CAPN13: variants seen among roughly 807,000 people sequenced by gnomAD.
CAPN13 encodes calpain 13.
In CAPN13, 90 loss-of-function variants were observed where a neutral mutation model predicts 98.4. The observed-to-expected ratio is 0.92, with a 90% CI of 0.77 to 1.09. The LOEUF (loss-of-function observed/expected upper bound fraction) is 1.09. Ranked by LOEUF, CAPN13 falls within the 50% of genes least tolerant of loss-of-function variation. The pLI is 0.00. For missense variants in CAPN13, 887 were observed against 841.3 expected (o/e 1.05, Z -0.67); for synonymous variants, 330 against 305.5 (o/e 1.08, Z -0.84).
chr2:30,790,204 A>G (rs2148081078), intron 1 of CAPN13, among the ~76,000 whole-genome samples: 1 of 152,336 alleles, frequency 6.6e-6, no homozygotes, highest in South Asian at 2.1e-4. Context: ...ACAGCAGAAG[A>G]GGACCACCTG....
intron 7 of CAPN13, among the ~76,000 whole-genome samples, chr2:30,760,817 C>A (rs938642939): frequency 6.6e-6 from 1 of 152,186 alleles, no homozygotes; most frequent in Non-Finnish European, 1.5e-5. Flanking sequence ...AGGCCAAGGC[C>A]ATGGCTACAC....
chr2:30,790,954 C>T (rs1385412595), intron 1 of CAPN13, among the ~76,000 whole-genome samples: 1 of 152,062 alleles, frequency 6.6e-6, no homozygotes, highest in Non-Finnish European at 1.5e-5. Context: ...CTTTTATGAT[C>T]TCTTTTAAGC....
chr2:30,800,168 G>GAAAGAAAGA (rs1675176607), intron 1 of CAPN13, among the ~76,000 whole-genome samples: 1 of 151,188 alleles, frequency 6.6e-6, no homozygotes, highest in African/African-American at 2.4e-5. Flanking sequence ...AAGAAAGAAA[G>GAAAGAAAGA]AAAGAAAGAA....
At chr2:30,740,686 C>A (rs968662022) in intron 15 of CAPN13, among the ~76,000 whole-genome samples, 1 of 152,248 alleles carries the variant, frequency 6.6e-6, no homozygotes, top group Admixed American at 6.5e-5. Flanking sequence ...GGCCACCAGT[C>A]ACCCTCTATG....
In CAPN13 at chr2:30,743,457, A is replaced by C; in HGVS notation, c.1371T>G (p.Val457=). Residue 457 remains valine, a synonymous_variant, in exon 13 of 23, where the codon GTT becomes GTG. Transcript: ENST00000295055. The stretch of plus-strand genomic sequence containing the variant: ...ATTTTCTCCGTGTCTGTGCAACCAC[A>C]ACATAGTTCCCAGGGCTCAGATGGT... ...MTYHLSPGNY[V]VVAQTRRKSA... 1 of 1,614,032 alleles carries C rather than the reference A, an allele frequency of 6.2e-7. No homozygotes were observed. The highest frequency in any genetic ancestry group is 8.5e-7 in the Non-Finnish European group (1 of 1,179,890).
intron 4 of CAPN13, 88 bp downstream of exon 4, chr2:30,775,842 C>T: frequency 1.2e-6 from 1 of 835,284 alleles, no homozygotes; most frequent in Non-Finnish European, 1.7e-6. Context: ...TCTCAGGCTT[C>T]CCGGCCACGA....
intron 17 of CAPN13, among the ~76,000 whole-genome samples, chr2:30,736,943 CAT>C (rs1217591275): frequency 2.0e-5 from 3 of 152,166 alleles, no homozygotes; most frequent in African/African-American, 2.4e-5. Flanking sequence ...CAGGCGAGCA[CAT>C]AGAGTCCTGC....
chr2:30,732,365 G>T, intron 20 of CAPN13, 73 bp downstream of exon 20: 2 of 1,587,272 alleles, frequency 1.3e-6, no homozygotes, highest in South Asian at 2.2e-5. Flanking sequence ...GGGTGGGGTA[G>T]GGGGTGTCCG....
Position 30,764,230 on chromosome 2 carries a change from T to A in CAPN13, c.601A>T (p.Thr201Ser), listed in dbSNP as rs778833317. ...GGGGAAGAGTGCAGATGGATGTTGG[T>A]GATCACGCCTCCTGTGAGGTCCACC... ...ALVDLTGGVI[T>S]NIHLHSSPVD... is the part of the protein sequence containing the mutation. Residue 201 changes from threonine to serine, a missense_variant, in exon 6 of 23, where the codon ACC becomes TCC. Thr to Ser is a moderately conservative substitution (Grantham distance 58, BLOSUM62 1). Transcript: ENST00000295055. The A allele has an allele frequency of 6.2e-7, 1 of 1,613,232 alleles. No individual in the cohort carries two copies. The highest frequency in any genetic ancestry group is 8.5e-7 in the Non-Finnish European group (1 of 1,179,670).
At chr2:30,759,052 TTCCCTCCC>T (rs1328282361) in intron 7 of CAPN13, among the ~76,000 whole-genome samples, 1 of 15,640 alleles carries the variant, frequency 6.4e-5, no homozygotes. Flanking sequence ...CCTTCCTTCC[TTCCCTCCC>T]TCCCTCCCTC....
At chr2:30,745,040 G>A (rs972211615) in intron 12 of CAPN13, among the ~76,000 whole-genome samples, 1 of 152,128 alleles carries the variant, frequency 6.6e-6, no homozygotes, top group Non-Finnish European at 1.5e-5. Context: ...AAGGCCTGGA[G>A]GTGCTGTAAT....
intron 7 of CAPN13, 117 bp from the exon 8 acceptor site, chr2:30,758,254 C>T (rs1282306653): frequency 2.2e-5 from 15 of 695,228 alleles, no homozygotes; most frequent in Non-Finnish European, 3.4e-5. Flanking sequence ...CCTCATTTGG[C>T]TGCAGCCAGA....
intron 5 of CAPN13, among the ~76,000 whole-genome samples, chr2:30,769,734 G>A (rs746435520): frequency 2.6e-5 from 4 of 152,276 alleles, no homozygotes; most frequent in Admixed American, 2.0e-4. Context: ...CCTAAGTTAT[G>A]GTATTTTGAC....
intron 11 of CAPN13, chr2:30,746,640 A>G: frequency 4.6e-6 from 1 of 218,218 alleles, no homozygotes; most frequent in Admixed American, 5.0e-5. Context: ...ATTTCCTCTG[A>G]TAGTTTTATG....
chr2:30,726,864 A>G (rs13428030), intron 22 of CAPN13, among the ~76,000 whole-genome samples: 59,987 of 151,920 alleles, frequency 0.39, 11,912 homozygotes, highest in East Asian at 0.51. Context: ...TTTATATGTA[A>G]ATGCAAGGAA....
chr2:30,741,318 G>A (rs1572797502), intron 15 of CAPN13: 2 of 922,452 alleles, frequency 2.2e-6, no homozygotes, highest in South Asian at 5.0e-5. Flanking sequence ...GGTTCAAGGC[G>A]GCAGGGTAGA....
chr2:30,791,258 C>T (rs976909717), intron 1 of CAPN13, among the ~76,000 whole-genome samples: 8 of 152,106 alleles, frequency 5.3e-5, no homozygotes, highest in Non-Finnish European at 7.4e-5. Flanking sequence ...TTTGAATTAA[C>T]GGAAAAATGA....
intron 1 of CAPN13, among the ~76,000 whole-genome samples, chr2:30,802,511 AAGTG>A (rs1395431857): frequency 7.2e-6 from 1 of 139,570 alleles, no homozygotes; most frequent in Non-Finnish European, 1.5e-5. Flanking sequence ...AAACGTGTCT[AAGTG>A]AGTGAGTGAA....
At chr2:30,743,281 G>T in intron 13 of CAPN13, 102 bp downstream of exon 13, 2 of 1,041,640 alleles carry the variant, frequency 1.9e-6, no homozygotes, top group Non-Finnish European at 3.0e-6. Flanking sequence ...CAGTGACATA[G>T]CACAGGCTGC....
Sources: gnomAD v4.1 joint callset for allele counts (sites outside exome capture counted in the v4.1 genomes callset) on GRCh38, gnomAD v4.1.1 for gene constraint, MANE v1.5 for transcripts, NCBI Gene and HGNC (gene_info 2026-07-23, HGNC 2026-07-21) for gene names.